SLIT3: variants seen among roughly 807,000 people sequenced by gnomAD.
SLIT3 encodes slit homolog 3 protein.
In SLIT3, 68 loss-of-function variants were observed where a neutral mutation model predicts 184.0. The observed-to-expected ratio is 0.37, with a 90% CI of 0.30 to 0.45. The LOEUF is 0.45. SLIT3 is among the 20% of genes least tolerant of loss of function. SLIT3 has a pLI of 1.00. For missense variants in SLIT3, 1,707 were observed against 2,026.0 expected (o/e 0.84, Z 3.02); for synonymous variants, 831 against 828.6 (o/e 1.00, Z -0.05).
chr5:168,778,543 C>G lies in SLIT3; in HGVS notation c.1152-4165G>C, dbSNP rs543678440. Among the ~76,000 whole-genome samples the G allele has an allele frequency of 1.8e-4, 27 of 152,332 alleles. No homozygotes were observed. The East Asian group carries it at 5.2e-3, about 29-fold the overall frequency. Reference sequence around the variant, plus strand: ...CCTCCTGACTCCCAGGAAGGAGCTTCAGCGTGTGATGCTGATCAAGCCTTC... The same window carrying G: ...CCTCCTGACTCCCAGGAAGGAGCTTGAGCGTGTGATGCTGATCAAGCCTTC... On this transcript the variant is annotated intron_variant, in intron 12 of 35. Coordinates refer to ENST00000519560, the MANE Select transcript of SLIT3 (RefSeq NM_003062.4).
At chr5:168,974,704 C>G (rs1449023641) in intron 4 of SLIT3, among the ~76,000 whole-genome samples, 1 of 152,208 alleles carries the variant, frequency 6.6e-6, no homozygotes, top group Non-Finnish European at 1.5e-5. Flanking sequence ...GGTCACTTCT[C>G]TCTTTAGGGA....
chr5:168,799,759 T>C (rs192835060), intron 9 of SLIT3, among the ~76,000 whole-genome samples: 367 of 152,326 alleles, frequency 2.4e-3, no homozygotes, highest in Non-Finnish European at 4.4e-3. Flanking sequence ...TCAGACACTG[T>C]CTTCCTTGCA....
chr5:169,137,443 T>C (rs566814906), intron 4 of SLIT3, among the ~76,000 whole-genome samples: 3 of 152,000 alleles, frequency 2.0e-5, no homozygotes, highest in East Asian at 3.9e-4. Context: ...TGGTAACTTA[T>C]TCCCCTCGTC....
At chr5:168,784,970 G>A (rs1187518543) in intron 12 of SLIT3, among the ~76,000 whole-genome samples, 1 of 151,452 alleles carries the variant, frequency 6.6e-6, no homozygotes, top group Non-Finnish European at 1.5e-5. Flanking sequence ...GAAGGGCATG[G>A]CCATGTAGAT....
intron 1 of SLIT3, among the ~76,000 whole-genome samples, 155 bp from the exon 2 acceptor site, chr5:169,251,614 G>A (rs1438415754): frequency 6.6e-6 from 1 of 152,104 alleles, no homozygotes; most frequent in Non-Finnish European, 1.5e-5. Context: ...CTAACCTTAA[G>A]GATATTGTAT....
chr5:168,936,487 C>A (rs913834204), intron 4 of SLIT3, among the ~76,000 whole-genome samples: 1 of 152,162 alleles, frequency 6.6e-6, no homozygotes, highest in Non-Finnish European at 1.5e-5. Context: ...CCCGCCTAGG[C>A]CTCCCAAAGT....
intron 4 of SLIT3, among the ~76,000 whole-genome samples, chr5:168,912,315 T>G (rs1441637226): frequency 6.6e-6 from 1 of 152,242 alleles, no homozygotes; most frequent in Non-Finnish European, 1.5e-5. Flanking sequence ...GTTAACTGGA[T>G]GCCTTAATAG....
intron 3 of SLIT3, among the ~76,000 whole-genome samples, chr5:169,198,868 G>A (rs1463806572): frequency 6.6e-6 from 1 of 151,870 alleles, no homozygotes; most frequent in African/African-American, 2.4e-5. Context: ...GGAGGCAGAG[G>A]TTGTGGTGAG....
intron 12 of SLIT3, among the ~76,000 whole-genome samples, chr5:168,783,837 TTG>T (rs1266361656): frequency 6.6e-6 from 1 of 152,124 alleles, no homozygotes; most frequent in African/African-American, 2.4e-5. Flanking sequence ...CCTGCCTGAG[TTG>T]TGTCAACTCT....
At chr5:169,212,732 G>A (rs1205261755) in intron 3 of SLIT3, among the ~76,000 whole-genome samples, 1 of 152,062 alleles carries the variant, frequency 6.6e-6, no homozygotes, top group Admixed American at 6.6e-5. Flanking sequence ...AAGTTTTCTT[G>A]CAGGGTTTTT....
intron 1 of SLIT3, among the ~76,000 whole-genome samples, chr5:169,263,147 C>A (rs1469042464): frequency 6.6e-6 from 1 of 152,080 alleles, no homozygotes; most frequent in Admixed American, 6.5e-5. Context: ...GAGTTTGAGA[C>A]CAGCCTGGGC....
At chr5:168,937,539 A>C (rs1244695885) in intron 4 of SLIT3, among the ~76,000 whole-genome samples, 1 of 152,104 alleles carries the variant, frequency 6.6e-6, no homozygotes, top group Non-Finnish European at 1.5e-5. Context: ...GGCAGATCAG[A>C]TAAGGGGTTG....
intron 28 of SLIT3, among the ~76,000 whole-genome samples, chr5:168,693,718 G>A (rs1259032469): frequency 1.3e-5 from 2 of 152,130 alleles, no homozygotes; most frequent in African/African-American, 4.8e-5. Context: ...AGGCAGGTAG[G>A]TCCAGAGGGC....
chr5:168,974,983 A>G (rs1251514159), intron 4 of SLIT3, among the ~76,000 whole-genome samples: 2 of 152,114 alleles, frequency 1.3e-5, no homozygotes, highest in African/African-American at 4.8e-5. Flanking sequence ...CTGGTCTATC[A>G]CCATTCTCGC....
At chr5:169,121,146 G>A (rs898232076) in intron 4 of SLIT3, among the ~76,000 whole-genome samples, 2 of 152,068 alleles carry the variant, frequency 1.3e-5, no homozygotes, top group Non-Finnish European at 2.9e-5. Flanking sequence ...AGGACTCTTC[G>A]ATATGGTCAT....
At chr5:169,032,508 C>A (rs1757064112) in intron 4 of SLIT3, among the ~76,000 whole-genome samples, 1 of 129,902 alleles carries the variant, frequency 7.7e-6, no homozygotes, top group Admixed American at 7.4e-5. Context: ...ATGTGCCAGT[C>A]ATTTTTTTTT....
In SLIT3 at chr5:168,673,278, T is replaced by C. The variant is rs1406669823; in HGVS notation, c.3740A>G (p.Asn1247Ser). The part of the protein sequence containing the change: ...QFHSVELVTL[N>S]QTLNLVVDKG... ...GTCCACTACTAGGTTCAGGGTCTGGTTTAGCGTCACCAGCTCCACACTGTG... is the reference window on the plus strand; with the variant it reads ...GTCCACTACTAGGTTCAGGGTCTGGCTTAGCGTCACCAGCTCCACACTGTG... The change falls in exon 33 of 36, where the codon AAC (asparagine) becomes AGC (serine). Residue 1247 changes from asparagine to serine, a missense_variant. By Grantham distance (46) the Asn-to-Ser change is conservative (BLOSUM62 1). Around this residue, in one of 3 missense-constraint regions of SLIT3, gnomAD observed 387 missense variants for 477.9 expected, o/e 0.81. Coordinates refer to ENST00000519560, the MANE Select transcript of SLIT3 (RefSeq NM_003062.4). 1.9e-6 allele frequency: 3 copies of C among 1,613,978 alleles called. No individual in the cohort carries two copies. The South Asian group carries it at 3.3e-5, about 18-fold the overall frequency.
intron 32 of SLIT3, among the ~76,000 whole-genome samples, chr5:168,679,333 C>T (rs1184662281): frequency 2.0e-5 from 3 of 152,204 alleles, no homozygotes; most frequent in Non-Finnish European, 4.4e-5. Context: ...GCTGGAGTTA[C>T]AGGCGTGAGC....
chr5:168,846,540 G>A (rs1256906075), intron 5 of SLIT3, among the ~76,000 whole-genome samples: 1 of 151,962 alleles, frequency 6.6e-6, no homozygotes, highest in Non-Finnish European at 1.5e-5. Flanking sequence ...TCTACCCCAC[G>A]CCAAGGCCAC....
Sources: allele counts gnomAD v4.1 joint callset (sites outside exome capture counted in the v4.1 genomes callset), GRCh38; gene constraint gnomAD v4.1.1; regional missense constraint gnomAD v4.1.1; transcripts MANE v1.5; gene names NCBI Gene and HGNC (gene_info 2026-07-23, HGNC 2026-07-21).